Variants in ROR2 observed in about 807,000 individuals in gnomAD.
The protein encoded by ROR2 is ROR family WNT receptor 2.
ROR2 carries 33 observed loss-of-function variants against 74.9 expected under a neutral mutation model. The observed-to-expected ratio is 0.44, with a 90% confidence interval of 0.33 to 0.59. The LOEUF is 0.59. Among genes scored for constraint, ROR2 ranks in the 20% least tolerant of loss-of-function variants. ROR2 has a pLI of 0.02. For missense variants in ROR2, 1,216 were observed against 1,313.8 expected (o/e 0.93, Z 1.15); for synonymous variants, 586 against 558.7 (o/e 1.05, Z -0.69).
At chr9:91,901,539 G>C (rs1224321573) in intron 1 of ROR2, among the ~76,000 whole-genome samples, 1 of 152,110 alleles carries the variant, frequency 6.6e-6, no homozygotes, top group Admixed American at 6.6e-5. Flanking sequence ...CTCTGGGATG[G>C]GTGTGGTGGC....
intron 1 of ROR2, among the ~76,000 whole-genome samples, chr9:91,791,231 C>T (rs1160714498): frequency 3.3e-5 from 5 of 152,142 alleles, no homozygotes; most frequent in Non-Finnish European, 7.3e-5. Flanking sequence ...TTTTACTGTA[C>T]TTTTTCTATA....
chr9:91,936,201 C>T (rs1411789376), intron 1 of ROR2, among the ~76,000 whole-genome samples: 1 of 152,216 alleles, frequency 6.6e-6, no homozygotes, highest in Non-Finnish European at 1.5e-5. Flanking sequence ...ACTTGATCCA[C>T]AGGCACTTAT....
chr9:91,920,867 G>C (rs1831247400), intron 1 of ROR2, among the ~76,000 whole-genome samples: 3 of 152,222 alleles, frequency 2.0e-5, no homozygotes, highest in Admixed American at 1.3e-4. Context: ...AGGCACTCAG[G>C]CACGGACCAA....
At chr9:91,751,142 A>T (rs1825584512) in intron 4 of ROR2, among the ~76,000 whole-genome samples, 1 of 152,168 alleles carries the variant, frequency 6.6e-6, no homozygotes, top group South Asian at 2.1e-4. Context: ...ATAGGGACAA[A>T]GAGACTTGGG....
intron 1 of ROR2, among the ~76,000 whole-genome samples, chr9:91,854,008 T>TG (rs5899144): frequency 0.47 from 71,882 of 151,856 alleles, 19,447 homozygotes; most frequent in African/African-American, 0.74. Context: ...CAGGGGGCCC[T>TG]GAAGTGGAGT....
In ROR2 at chr9:91,905,144, A is replaced by T. The variant is rs192499004; in HGVS notation, c.97+44723T>A. Among the ~76,000 whole-genome samples the T allele has an allele frequency of 1.3e-5, 2 of 149,702 alleles. No homozygotes were observed. The highest frequency in any genetic ancestry group is 4.0e-4 in the East Asian group (2 of 5,058). ...TATCACACACACACCCCCCACACAA[A>T]TATCACACATGCAAGACACACCACA... On this transcript the variant is annotated intron_variant, in intron 1 of 8. Coordinates refer to ENST00000375708, the MANE Select transcript of ROR2 (RefSeq NM_004560.4). The surrounding 1 kb of genome is among the most constrained non-coding windows in gnomAD (Gnocchi z 5.3).
chr9:91,932,762 C>T (rs776785744), intron 1 of ROR2, among the ~76,000 whole-genome samples: 11 of 152,114 alleles, frequency 7.2e-5, no homozygotes, highest in Non-Finnish European at 2.9e-5. Context: ...AAAGTGAACG[C>T]TTATTTGCCA....
chr9:91,724,728 G>A lies in ROR2; in HGVS notation c.1766C>T (p.Pro589Leu). The A allele has an allele frequency of 1.2e-6, 2 of 1,614,132 alleles. No homozygotes were observed. Among genetic ancestry groups the A allele is most frequent in the East Asian group, 2.2e-5 (1 of 44,872 alleles). Residue 589 changes from proline (P) to leucine (L), a missense_variant, in exon 9 of 9, where the codon CCC (proline) becomes CTC (leucine). Transcript: ENST00000375708. Reference sequence around the variant, plus strand: ...TGCCACAAGGTGCACGAAGTCGGGGGGCTCCAGGGCGGACTTCACCGTGCG... The same window carrying A: ...TGCCACAAGGTGCACGAAGTCGGGGAGCTCCAGGGCGGACTTCACCGTGCG... ...DDRTVKSALE[P>L]PDFVHLVAQI...
At chr9:91,857,414 T>C (rs1288846292) in intron 1 of ROR2, among the ~76,000 whole-genome samples, 9 of 152,248 alleles carry the variant, frequency 5.9e-5, no homozygotes, top group Admixed American at 4.6e-4. Context: ...GCAGGATTTT[T>C]ACACAGCCTT....
At chr9:91,928,252 A>T (rs1317873445) in intron 1 of ROR2, among the ~76,000 whole-genome samples, 2 of 152,110 alleles carry the variant, frequency 1.3e-5, no homozygotes, top group African/African-American at 2.4e-5. Flanking sequence ...GCCCATCTGG[A>T]ACCGTCCCCC....
chr9:91,835,810 G>A (rs1828595273), intron 1 of ROR2, among the ~76,000 whole-genome samples: 1 of 152,162 alleles, frequency 6.6e-6, no homozygotes, highest in African/African-American at 2.4e-5. Flanking sequence ...AGCCTGGGAA[G>A]GTCTCCCACA....
intron 1 of ROR2, among the ~76,000 whole-genome samples, chr9:91,873,460 C>T (rs186179699): frequency 1.4e-3 from 213 of 152,248 alleles, no homozygotes; most frequent in African/African-American, 4.7e-3. Context: ...ATATGGTGGG[C>T]GCCTACATTC....
At chr9:91,845,058 G>A (rs1464237718) in intron 1 of ROR2, among the ~76,000 whole-genome samples, 3 of 152,194 alleles carry the variant, frequency 2.0e-5, no homozygotes, top group East Asian at 1.9e-4. Flanking sequence ...ACGGTGGCCT[G>A]TAAGGGGAGG....
In ROR2 at chr9:91,723,066, A is replaced by T. The variant is rs887497004; in HGVS notation, c.*596T>A. 6.2e-6 allele frequency: 1 copy of T among 161,018 alleles called. No homozygotes were observed. The highest frequency in any genetic ancestry group is 1.4e-5 in the Non-Finnish European group (1 of 73,104). The allele number at this position is 161,018 out of a possible 1,614,324, so 10.0% of individuals were successfully genotyped here. A position where few individuals can be genotyped will look rare whatever the true frequency, so the allele number is the denominator to read the frequency against. On this transcript the variant is annotated 3_prime_UTR_variant, in exon 9 of 9. Coordinates refer to ENST00000375708, the MANE Select transcript of ROR2 (RefSeq NM_004560.4). Reference sequence around the variant, plus strand: ...TCTTTGAAGGCACACATTTTGTTGTATCTCAGGAACTCCCATTTCAGAAGC... The same window carrying T: ...TCTTTGAAGGCACACATTTTGTTGTTTCTCAGGAACTCCCATTTCAGAAGC...
intron 1 of ROR2, among the ~76,000 whole-genome samples, chr9:91,887,680 G>T (rs1300897840): frequency 6.6e-6 from 1 of 151,836 alleles, no homozygotes; most frequent in African/African-American, 2.4e-5. Flanking sequence ...GGAGAAGCAT[G>T]ATTCAGCTTT....
Position 91,724,017 on chromosome 9 carries a change from G to A in ROR2, c.2477C>T (p.Pro826Leu), listed in dbSNP as rs1016479276. ...CAGGTAGGCCCCATAGGCCGGCACC[G>A]GCTGGTAGCCGTTGACGGGGACGTA... is the stretch of plus-strand genomic sequence containing the variant. ...QLYVPVNGYQ[P>L]VPAYGAYLPN... Residue 826 changes from proline to leucine, a missense_variant, in exon 9 of 9, where the codon CCG (proline) becomes CTG (leucine). Coordinates refer to ENST00000375708, the MANE Select transcript of ROR2 (RefSeq NM_004560.4). 8 of 1,612,402 alleles carry A rather than the reference G, an allele frequency of 5.0e-6. No individual in the cohort carries two copies. The highest frequency in any genetic ancestry group is 3.3e-5 in the Admixed American group (2 of 59,994).
intron 1 of ROR2, among the ~76,000 whole-genome samples, chr9:91,839,818 C>T (rs932012205): frequency 3.3e-5 from 5 of 151,828 alleles, no homozygotes; most frequent in African/African-American, 4.8e-5. Context: ...AGCCAGAAGT[C>T]GGTTTTCTCC....
chr9:91,801,647 G>A (rs1431504796), intron 1 of ROR2, among the ~76,000 whole-genome samples: 1 of 152,122 alleles, frequency 6.6e-6, no homozygotes, highest in Non-Finnish European at 1.5e-5. Flanking sequence ...TTTTCTCCTT[G>A]TCCATCTATC....
intron 1 of ROR2, among the ~76,000 whole-genome samples, chr9:91,810,032 C>A (rs958508169): frequency 6.6e-6 from 1 of 152,262 alleles, no homozygotes; most frequent in Non-Finnish European, 1.5e-5. Context: ...ACTAAATCGG[C>A]CACGCCACAC....
Sources: gnomAD v4.1 joint callset for allele counts (sites outside exome capture counted in the v4.1 genomes callset) on GRCh38, gnomAD v4.1.1 for gene constraint, Gnocchi (gnomAD v3.1) non-coding constraint, MANE v1.5 for transcripts, NCBI Gene and HGNC (gene_info 2026-07-23, HGNC 2026-07-21) for gene names.